PDE4D: variants seen among roughly 807,000 people sequenced by gnomAD.
PDE4D encodes the protein 3',5'-cyclic-AMP phosphodiesterase 4D.
A neutral mutation model predicts 87.4 loss-of-function variants in PDE4D; 24 were observed. That is an observed-to-expected ratio of 0.27 (90% CI 0.20 to 0.39). The LOEUF is 0.39. PDE4D is among the 10% of genes least tolerant of loss of function. The pLI, the probability that PDE4D is intolerant of heterozygous loss-of-function variation, is 1.00. For synonymous variants in PDE4D, 384 were observed against 383.2 expected, an observed-to-expected ratio of 1.00 and a Z score of -0.02; for missense variants, 714 against 1,041.0, an observed-to-expected ratio of 0.69 and a Z score of 4.32.
chr5:59,818,116 A>G (rs2152685574), intron 1 of PDE4D, among the ~76,000 whole-genome samples: 1 of 152,286 alleles, frequency 6.6e-6, no homozygotes, highest in East Asian at 1.9e-4. Flanking sequence ...TAAGAATGGC[A>G]ACACTCAGGC....
At chr5:60,079,426 T>A (rs1464177385) in intron 2 of PDE4D, among the ~76,000 whole-genome samples, 2 of 152,206 alleles carry the variant, frequency 1.3e-5, no homozygotes, top group African/African-American at 4.8e-5. Context: ...TTGCCTTTGG[T>A]GTTTTTGTCA....
At chr5:60,450,105 C>G (rs944869694) in intron 1 of PDE4D, among the ~76,000 whole-genome samples, 2 of 147,466 alleles carry the variant, frequency 1.4e-5, no homozygotes, top group Admixed American at 1.3e-4. Context: ...TCTAAATAAT[C>G]AGAAGTTCAC....
At chr5:60,098,662 GT>G (rs931879634) in intron 2 of PDE4D, among the ~76,000 whole-genome samples, 1 of 151,978 alleles carries the variant, frequency 6.6e-6, no homozygotes, top group South Asian at 2.1e-4. Flanking sequence ...TTAATTTTAA[GT>G]TTTTTGATGA....
At chr5:60,329,706 G>A (rs1757147919) in intron 1 of PDE4D, among the ~76,000 whole-genome samples, 1 of 151,822 alleles carries the variant, frequency 6.6e-6, no homozygotes, top group African/African-American at 2.4e-5. Context: ...GGAAGCTTCT[G>A]AAAAAGACCT....
chr5:59,310,235 T>C (rs1772306832), intron 1 of PDE4D, among the ~76,000 whole-genome samples: 1 of 152,166 alleles, frequency 6.6e-6, no homozygotes, highest in Non-Finnish European at 1.5e-5. Context: ...GTCTACACCC[T>C]ATTATGCTTC....
intron 1 of PDE4D, among the ~76,000 whole-genome samples, chr5:60,459,196 A>G (rs1388650918): frequency 6.6e-6 from 1 of 152,164 alleles, no homozygotes; most frequent in African/African-American, 2.4e-5. Context: ...TCTCCCTTTG[A>G]GTGGCAGGGC....
chr5:59,491,892 C>T (rs1806273436), intron 1 of PDE4D, among the ~76,000 whole-genome samples: 2 of 152,132 alleles, frequency 1.3e-5, no homozygotes, highest in African/African-American at 4.8e-5. Flanking sequence ...AAAGCTGTAG[C>T]TTTATTTACT....
At chr5:59,984,251 A>ATAG (rs397786182) in intron 3 of PDE4D, among the ~76,000 whole-genome samples, 2 of 151,944 alleles carry the variant, frequency 1.3e-5, no homozygotes, top group African/African-American at 2.4e-5. Context: ...AAGGTAATAG[A>ATAG]AAATTATTTA....
intron 1 of PDE4D, among the ~76,000 whole-genome samples, chr5:59,551,471 T>TCA (rs34301317): frequency 0.35 from 52,257 of 148,518 alleles, 9,060 homozygotes; most frequent in African/African-American, 0.41. Flanking sequence ...GCTACTTCAG[T>TCA]CACACACACA....
intron 1 of PDE4D, among the ~76,000 whole-genome samples, chr5:59,405,741 T>C (rs1216287577): frequency 1.3e-5 from 2 of 152,208 alleles, no homozygotes; most frequent in Non-Finnish European, 2.9e-5. Flanking sequence ...GTTTTTATCA[T>C]GAAGGGATGT....
chr5:59,527,065 G>C (rs1813283533), intron 1 of PDE4D, among the ~76,000 whole-genome samples: 1 of 152,020 alleles, frequency 6.6e-6, no homozygotes, highest in Non-Finnish European at 1.5e-5. Flanking sequence ...CAAAATAAAA[G>C]CTTATAACAG....
intron 6 of PDE4D, among the ~76,000 whole-genome samples, chr5:59,030,045 T>A (rs1036529897): frequency 6.6e-6 from 1 of 152,032 alleles, no homozygotes; most frequent in African/African-American, 2.4e-5. Context: ...AAAAGAGATA[T>A]AAAGGCTTAA....
At chr5:60,227,877 T>C (rs1459534086) in intron 1 of PDE4D, among the ~76,000 whole-genome samples, 1 of 152,118 alleles carries the variant, frequency 6.6e-6, no homozygotes, top group Non-Finnish European at 1.5e-5. Flanking sequence ...CCCTATGTGC[T>C]CTGGCTCCCA....
chr5:60,045,870 T>C (rs1221073669), intron 2 of PDE4D, among the ~76,000 whole-genome samples: 2 of 152,198 alleles, frequency 1.3e-5, no homozygotes, highest in African/African-American at 2.4e-5. Flanking sequence ...CCATATGAGC[T>C]TTAAAGTAGT....
chr5:59,691,124 G>A (rs979399504), intron 1 of PDE4D, among the ~76,000 whole-genome samples: 4 of 152,198 alleles, frequency 2.6e-5, no homozygotes, highest in African/African-American at 9.6e-5. Context: ...CTGTTGGTGG[G>A]ACTGTAAACT....
chr5:59,635,542 C>T (rs886811492), intron 1 of PDE4D, among the ~76,000 whole-genome samples: 18 of 152,148 alleles, frequency 1.2e-4, no homozygotes, highest in Non-Finnish European at 2.1e-4. Flanking sequence ...TTATCCACCA[C>T]GATCAAGTCG....
intron 6 of PDE4D, among the ~76,000 whole-genome samples, chr5:59,027,857 G>A (rs933291701): frequency 2.0e-4 from 31 of 151,882 alleles, no homozygotes; most frequent in African/African-American, 6.5e-4. Flanking sequence ...AGGGTGCTAA[G>A]TGTGCTCATT....
chr5:59,841,044 C>A (rs1742926862), intron 1 of PDE4D, among the ~76,000 whole-genome samples: 1 of 152,044 alleles, frequency 6.6e-6, no homozygotes, highest in Admixed American at 6.6e-5. Flanking sequence ...ATTATTGTCT[C>A]TTACTCATTT....
intron 1 of PDE4D, among the ~76,000 whole-genome samples, chr5:60,321,710 G>C (rs1249819625): frequency 6.6e-6 from 1 of 151,558 alleles, no homozygotes; most frequent in Admixed American, 6.6e-5. Context: ...GCAAAAAACA[G>C]CCCCATCACA....
Sources: allele counts gnomAD v4.1 joint callset (sites outside exome capture counted in the v4.1 genomes callset), GRCh38; gene constraint gnomAD v4.1.1; transcripts MANE v1.5; gene names NCBI Gene and HGNC (gene_info 2026-07-23, HGNC 2026-07-21).